SUGCT: variants seen among roughly 807,000 people sequenced by gnomAD.
SUGCT encodes succinyl-CoA:glutarate CoA-transferase.
Under a neutral mutation model 55.0 loss-of-function variants are expected in SUGCT, and 41 were observed. The observed-to-expected ratio is 0.74, with a 90% CI of 0.58 to 0.97. The LOEUF is 0.97. SUGCT is among the 50% of genes least tolerant of loss of function. SUGCT has a pLI of 0.00. For missense variants in SUGCT, 568 were observed against 547.8 expected, an observed-to-expected ratio of 1.04 and a Z score of -0.37; for synonymous variants, 187 against 200.4, an observed-to-expected ratio of 0.93 and a Z score of 0.56.
At chr7:40,944,100 A>T in the SUGCT span, among the ~76,000 whole-genome samples, 1 of 152,014 alleles carries the variant, frequency 6.6e-6, no homozygotes, top group Non-Finnish European at 1.5e-5. Context: ...GTCTGTTCAT[A>T]TCCTTTGTGC....
chr7:40,458,757 T>C (rs946388114), intron 10 of SUGCT, among the ~76,000 whole-genome samples: 1 of 152,216 alleles, frequency 6.6e-6, no homozygotes, highest in African/African-American at 2.4e-5. Context: ...TTAGCATCTC[T>C]CTCCCTATTT....
At chr7:40,481,408 G>C (rs540163951) in intron 11 of SUGCT, among the ~76,000 whole-genome samples, 1 of 151,194 alleles carries the variant, frequency 6.6e-6, no homozygotes, top group African/African-American at 2.4e-5. Flanking sequence ...TTTATTATGA[G>C]ATTATTATGT....
intron 13 of SUGCT, among the ~76,000 whole-genome samples, chr7:40,801,113 G>T (rs759661704): frequency 5.9e-5 from 9 of 152,190 alleles, no homozygotes; most frequent in Non-Finnish European, 8.8e-5. Context: ...AGTACTAATA[G>T]GTAGAAAGAA....
intron 9 of SUGCT, among the ~76,000 whole-genome samples, chr7:40,378,020 C>A (rs916839439): frequency 2.6e-5 from 4 of 152,118 alleles, no homozygotes; most frequent in African/African-American, 9.7e-5. Context: ...TTTCAGGATT[C>A]TCTCTTTGCC....
chr7:40,323,524 C>T (rs917390388), intron 9 of SUGCT, among the ~76,000 whole-genome samples: 4 of 152,084 alleles, frequency 2.6e-5, no homozygotes, highest in African/African-American at 4.8e-5. Context: ...CGAGTAATAG[C>T]TGGGACCACA....
intron 12 of SUGCT, among the ~76,000 whole-genome samples, chr7:40,556,365 A>G (rs1037266216): frequency 6.6e-6 from 1 of 152,160 alleles, no homozygotes; most frequent in South Asian, 2.1e-4. Context: ...TGGACACACT[A>G]CAGCTCCGCA....
At chr7:40,660,679 C>G (rs909194843) in intron 12 of SUGCT, among the ~76,000 whole-genome samples, 1 of 152,142 alleles carries the variant, frequency 6.6e-6, no homozygotes, top group African/African-American at 2.4e-5. Context: ...GCGGGCATAC[C>G]TTAGATGTAA....
the SUGCT span, among the ~76,000 whole-genome samples, chr7:41,004,193 C>G: frequency 6.6e-6 from 1 of 152,182 alleles, no homozygotes; most frequent in African/African-American, 2.4e-5. Context: ...TCTCATTAGG[C>G]CTTCTGTCTG....
intron 13 of SUGCT, among the ~76,000 whole-genome samples, chr7:40,824,967 A>C (rs570745192): frequency 1.3e-5 from 2 of 152,322 alleles, no homozygotes; most frequent in Admixed American, 1.3e-4. Flanking sequence ...TCACAGACCA[A>C]GATAGTCATG....
chr7:40,431,513 G>A (rs1787895218), intron 9 of SUGCT, among the ~76,000 whole-genome samples: 1 of 152,048 alleles, frequency 6.6e-6, no homozygotes, highest in African/African-American at 2.4e-5. Context: ...ATTGAAATCT[G>A]TATATTGCTT....
At chr7:40,527,874 C>T (rs898303201) in intron 12 of SUGCT, among the ~76,000 whole-genome samples, 8 of 152,176 alleles carry the variant, frequency 5.3e-5, no homozygotes, top group African/African-American at 1.9e-4. Context: ...GAATCTCAGT[C>T]CATTCTTTTG....
chr7:40,222,185 TG>T (rs1788057756), intron 6 of SUGCT, among the ~76,000 whole-genome samples: 1 of 152,202 alleles, frequency 6.6e-6, no homozygotes, highest in Admixed American at 6.5e-5. Context: ...GATTCATCAG[TG>T]TAAAAAAGTC....
intron 11 of SUGCT, among the ~76,000 whole-genome samples, chr7:40,494,414 A>G (rs1288751227): frequency 6.6e-6 from 1 of 152,240 alleles, no homozygotes; most frequent in Admixed American, 6.5e-5. Flanking sequence ...TGGAACAGTC[A>G]TTGAAAAGAA....
chr7:40,157,572 T>A (rs1357688161), intron 1 of SUGCT, among the ~76,000 whole-genome samples: 1 of 152,240 alleles, frequency 6.6e-6, no homozygotes, highest in African/African-American at 2.4e-5. Flanking sequence ...TGTAAAATAC[T>A]TCTTAGGAGA....
At chr7:40,655,245 A>C (rs1311756279) in intron 12 of SUGCT, among the ~76,000 whole-genome samples, 1 of 152,102 alleles carries the variant, frequency 6.6e-6, no homozygotes, top group Admixed American at 6.5e-5. Flanking sequence ...AGTGAGCCAT[A>C]ATTGTGCCAA....
chr7:40,521,265 G>GT (rs537502622), intron 12 of SUGCT, among the ~76,000 whole-genome samples: 207 of 152,174 alleles, frequency 1.4e-3, no homozygotes, highest in African/African-American at 4.8e-3. Flanking sequence ...CACAAGATGT[G>GT]TTTTTTGTTT....
chr7:40,947,388 A>G, the SUGCT span, among the ~76,000 whole-genome samples: 102 of 152,104 alleles, frequency 6.7e-4, no homozygotes, highest in Non-Finnish European at 8.8e-4. Context: ...TTGTTTGTAC[A>G]TGTTTAAATT....
Position 40,529,915 on chromosome 7 carries a change from T to C in SUGCT, c.1089+33529T>C, listed in dbSNP as rs370153679. ...CAAAGGTACAAGGAAAGTTGACTTT[T>C]CTGAGGGCCAGAAATGTGGCAGTAT... On this transcript the variant is annotated intron_variant, in intron 12 of 13. Coordinates refer to ENST00000335693, the MANE Select transcript of SUGCT (RefSeq NM_001193313.2). Among the ~76,000 whole-genome samples, 190 of 152,328 alleles carry C rather than the reference T, an allele frequency of 1.2e-3. 7 individuals carry two copies. The South Asian group carries it at 0.039, about 31-fold the overall frequency.
intron 7 of SUGCT, among the ~76,000 whole-genome samples, chr7:40,262,614 G>A (rs1262538139): frequency 6.6e-6 from 1 of 151,612 alleles, no homozygotes; most frequent in East Asian, 1.9e-4. Flanking sequence ...GCAGTGAGCC[G>A]AGATCGTACC....
Sources: gnomAD v4.1 joint callset for allele counts (sites outside exome capture counted in the v4.1 genomes callset) on GRCh38, gnomAD v4.1.1 for gene constraint, MANE v1.5 for transcripts, NCBI Gene and HGNC (gene_info 2026-07-23, HGNC 2026-07-21) for gene names.